TOP3A: variants seen among roughly 807,000 people sequenced by gnomAD.
TOP3A encodes DNA topoisomerase 3-alpha.
A neutral mutation model predicts 111.3 loss-of-function variants in TOP3A; 64 were observed. The observed-to-expected ratio is 0.57, with a 90% confidence interval of 0.47 to 0.71. The LOEUF (loss-of-function observed/expected upper bound fraction) is 0.71. TOP3A is among the 30% of genes least tolerant of loss of function. The probability of loss-of-function intolerance (pLI) is 0.00; values close to 1 mark genes in which losing one functional copy is unlikely to be tolerated. For missense variants in TOP3A, 1,104 were observed against 1,285.0 expected, an observed-to-expected ratio of 0.86 and a Z score of 2.15; for synonymous variants, 484 against 485.1, an observed-to-expected ratio of 1.00 and a Z score of 0.03.
chr17:18,294,194 C>G (rs1172588767), intron 10 of TOP3A, among the ~76,000 whole-genome samples: 2 of 152,216 alleles, frequency 1.3e-5, no homozygotes, highest in African/African-American at 4.8e-5. Flanking sequence ...AGATCTGAAT[C>G]TACTCTATGG....
intron 1 of TOP3A, among the ~76,000 whole-genome samples, chr17:18,311,001 ATT>A (rs772922996): frequency 7.0e-5 from 10 of 142,090 alleles, no homozygotes; most frequent in Non-Finnish European, 6.1e-5. Flanking sequence ...ACAACTATGA[ATT>A]TTTTTTTTTT....
chr17:18,283,281 A>T (rs1979883519), intron 15 of TOP3A, among the ~76,000 whole-genome samples: 1 of 152,070 alleles, frequency 6.6e-6, no homozygotes, highest in Non-Finnish European at 1.5e-5. Flanking sequence ...AGGCAGGAGA[A>T]TCGCTTGAAC....
In TOP3A at chr17:18,299,570, A is replaced by G; in HGVS notation, c.979T>C (p.Leu327=). The change falls in exon 9 of 19, where the codon TTG becomes CTG. Residue 327 remains leucine, a synonymous_variant. Coordinates refer to ENST00000321105, the MANE Select transcript of TOP3A (RefSeq NM_004618.5). ...KPKSKWRPQA[L]DTVELEKLAS... ...TGTCTGGAACATACCACAGTGTCCA[A>G]GGCTTGAGGCCGCCACTTGCTCTTG... The G allele has an allele frequency of 6.2e-7, 1 of 1,614,070 alleles. No individual in the cohort carries two copies. The highest frequency in any genetic ancestry group is 8.5e-7 in the Non-Finnish European group (1 of 1,179,916).
chr17:18,314,833 C>T lies in TOP3A; in HGVS notation c.-55G>A. ...CGGCTGCCGGCGCATCCTGGGGAAG[C>T]CAGAGATGAGGCTCAAATGGCGCCC... On this transcript the variant is annotated 5_prime_UTR_variant, in exon 1 of 19. Transcript: ENST00000321105. 1 of 1,445,102 alleles carries T rather than the reference C, an allele frequency of 6.9e-7. No homozygotes were observed. The highest frequency in any genetic ancestry group is 9.1e-7 in the Non-Finnish European group (1 of 1,096,380). The allele number at this position is 1,445,102 out of a possible 1,614,324, so 89.5% of individuals were successfully genotyped here.
At chr17:18,278,442 G>T (rs1979547994) in intron 17 of TOP3A, 85 bp from the exon 18 acceptor site, 2 of 1,264,946 alleles carry the variant, frequency 1.6e-6, no homozygotes, top group African/African-American at 1.5e-5. Flanking sequence ...TTAGCCCTAG[G>T]CCTCTCTCCA....
intron 8 of TOP3A, among the ~76,000 whole-genome samples, chr17:18,301,278 C>G (rs554899046): frequency 6.6e-6 from 1 of 152,326 alleles, no homozygotes; most frequent in East Asian, 1.9e-4. Flanking sequence ...TGGGTCCCAA[C>G]TCTGCCACCA....
At chr17:18,306,734 C>T (rs940713133) in intron 4 of TOP3A, 157 bp downstream of exon 4, 20 of 589,068 alleles carry the variant, frequency 3.4e-5, no homozygotes, top group Non-Finnish European at 5.4e-5. Flanking sequence ...GCCACTTAGC[C>T]ACATTTATAC....
At chr17:18,311,074 C>A (rs1981880628) in intron 1 of TOP3A, among the ~76,000 whole-genome samples, 1 of 151,540 alleles carries the variant, frequency 6.6e-6, no homozygotes, top group Admixed American at 6.6e-5. Flanking sequence ...AATCTCGGCT[C>A]ACTGCAAGCT....
chr17:18,307,285 T>A, intron 3 of TOP3A: 1 of 226,648 alleles, frequency 4.4e-6, no homozygotes, highest in Non-Finnish European at 8.8e-6. Flanking sequence ...ATGGATCAGA[T>A]AATCCTAGGT....
chr17:18,306,329 G>T (rs937467675), intron 4 of TOP3A, among the ~76,000 whole-genome samples: 4 of 152,120 alleles, frequency 2.6e-5, no homozygotes, highest in Non-Finnish European at 5.9e-5. Flanking sequence ...TCTAACAAGG[G>T]GTGAGATGGG....
intron 13 of TOP3A, among the ~76,000 whole-genome samples, chr17:18,287,868 C>T (rs1355229860): frequency 6.6e-6 from 1 of 151,352 alleles, no homozygotes; most frequent in Non-Finnish European, 1.5e-5. Context: ...TGTGGTGGTG[C>T]GTGCCTGTAA....
At position 18,285,207 on chromosome 17, in the gene TOP3A, C is replaced by T. The variant is rs143168088; in HGVS notation, c.1812G>A (p.Val604=). ...ATTTCTGCACTTGCTGCCTTAGAAC[C>T]ACAAATTTGTCCTTTTTGCCATCAC... is the stretch of plus-strand genomic sequence containing the variant. ...LICDGKKDKF[V]VLRQQVQKYK... is the part of the protein sequence containing the mutation. Residue 604 remains valine, a synonymous_variant, in exon 15 of 19, where the codon GTG becomes GTA. Coordinates refer to ENST00000321105, the MANE Select transcript of TOP3A (RefSeq NM_004618.5). 6.2e-7 allele frequency: 1 copy of T among 1,614,072 alleles called. No homozygotes were observed. The highest frequency in any genetic ancestry group is 1.3e-5 in the African/African-American group (1 of 74,920).
chr17:18,285,611 C>A, intron 13 of TOP3A, 91 bp from the exon 14 acceptor site: 1 of 1,065,796 alleles, frequency 9.4e-7, no homozygotes, highest in Non-Finnish European at 1.4e-6. Flanking sequence ...CGGAATCCCT[C>A]CTTTGCCTGG....
intron 13 of TOP3A, among the ~76,000 whole-genome samples, chr17:18,287,763 G>A (rs1980197500): frequency 6.6e-6 from 1 of 152,066 alleles, no homozygotes; most frequent in South Asian, 2.1e-4. Flanking sequence ...GGGAGGCCTA[G>A]GTGGGCGGAT....
At chr17:18,308,645 T>C (rs908441870) in intron 2 of TOP3A, 1 of 483,812 alleles carries the variant, frequency 2.1e-6, no homozygotes, top group Non-Finnish European at 3.6e-6. Flanking sequence ...ATCAGTTAAA[T>C]TTTCCTCAAA....
intron 13 of TOP3A, among the ~76,000 whole-genome samples, chr17:18,288,881 C>T (rs4925162): frequency 0.39 from 58,724 of 152,092 alleles, 12,995 homozygotes; most frequent in African/African-American, 0.61. Context: ...CTTATTCCTC[C>T]TTGTGTCCCT....
At chr17:18,300,622 C>G (rs1445528546) in intron 8 of TOP3A, among the ~76,000 whole-genome samples, 1 of 151,920 alleles carries the variant, frequency 6.6e-6, no homozygotes, top group South Asian at 2.1e-4. Context: ...GTGGCATAAT[C>G]ATGGCTCACT....
chr17:18,312,785 C>A, intron 1 of TOP3A: 2 of 205,562 alleles, frequency 9.7e-6, no homozygotes, highest in Admixed American at 4.4e-5. Context: ...GAAAAGAGGA[C>A]GAGGCATCTG....
chr17:18,293,622 A>AAACAAAATTTTT (rs1980615633), intron 10 of TOP3A, among the ~76,000 whole-genome samples: 1 of 151,452 alleles, frequency 6.6e-6, no homozygotes, highest in Admixed American at 6.6e-5. Flanking sequence ...CAAGAGACGG[A>AAACAAAATTTTT]GTCTTGCTGT....
Sources: gnomAD v4.1 joint callset for allele counts (sites outside exome capture counted in the v4.1 genomes callset) on GRCh38, gnomAD v4.1.1 for gene constraint, MANE v1.5 for transcripts, NCBI Gene and HGNC (gene_info 2026-07-23, HGNC 2026-07-21) for gene names.